DMD: variants seen among roughly 807,000 people sequenced by gnomAD.
DMD encodes the protein mutant dystrophin.
Under a neutral mutation model 330.1 loss-of-function variants are expected in DMD, and 63 were observed. The ratio of observed to expected loss-of-function variants is 0.19; its 90% CI spans 0.16 to 0.24. The LOEUF is 0.24. Among genes scored for constraint, DMD ranks in the 10% least tolerant of loss-of-function variants. DMD has a pLI of 1.00. For synonymous variants in DMD, 1,223 were observed against 959.8 expected (o/e 1.27, Z -5.07); for missense variants, 3,344 against 2,684.1 (o/e 1.25, Z -5.43).
intron 44 of DMD, among the ~76,000 whole-genome samples, chrX:31,975,378 G>T (rs1376498534): frequency 2.7e-5 from 3 of 111,878 alleles, no homozygotes; most frequent in Non-Finnish European, 5.7e-5. Context: ...CTCTCTCTAC[G>T]TTCAAGGATT....
chrX:32,675,411 C>T (rs1329981527), intron 9 of DMD, among the ~76,000 whole-genome samples: 4 of 111,625 alleles, frequency 3.6e-5, no homozygotes, highest in Non-Finnish European at 7.6e-5. Context: ...AATTATTCTT[C>T]CTCATTACCA....
chrX:31,380,371 T>C (rs760743020), intron 60 of DMD, among the ~76,000 whole-genome samples: 183 of 109,551 alleles, frequency 1.7e-3, no homozygotes, highest in African/African-American at 5.8e-3. Flanking sequence ...CATCTCCCCT[T>C]GTATCTCCCC....
intron 43 of DMD, among the ~76,000 whole-genome samples, chrX:32,261,379 A>G (rs186318394): frequency 1.2e-3 from 131 of 111,945 alleles, no homozygotes; most frequent in African/African-American, 3.8e-3. Context: ...AAGGGAGGGC[A>G]TGAAAACATA....
chrX:33,226,877 G>A (rs770654006), intron 1 of DMD, among the ~76,000 whole-genome samples: 2 of 109,312 alleles, frequency 1.8e-5, no homozygotes, highest in South Asian at 7.9e-4. Flanking sequence ...TGACATTCGT[G>A]CATACAAATA....
At chrX:31,593,158 G>A (rs757978046) in intron 55 of DMD, among the ~76,000 whole-genome samples, 2 of 111,213 alleles carry the variant, frequency 1.8e-5, no homozygotes, top group South Asian at 3.7e-4. Flanking sequence ...TTTGTAAACC[G>A]CATATAGAAA....
chrX:32,246,343 T>C (rs2097237428), intron 43 of DMD, among the ~76,000 whole-genome samples: 1 of 101,709 alleles, frequency 9.8e-6, no homozygotes, highest in East Asian at 3.1e-4. Context: ...AGCTTTTTGA[T>C]GTGCTGCTGG....
intron 30 of DMD, among the ~76,000 whole-genome samples, chrX:32,392,362 G>A (rs1005004319): frequency 1.8e-5 from 2 of 111,654 alleles, no homozygotes; most frequent in African/African-American, 3.3e-5. Flanking sequence ...AGGTTCAAGC[G>A]ATTCTCCTGC....
chrX:31,947,553 CA>C (rs1284274318), intron 45 of DMD, among the ~76,000 whole-genome samples: 1 of 112,216 alleles, frequency 8.9e-6, no homozygotes, highest in Admixed American at 9.4e-5. Context: ...CACCATGGTG[CA>C]AAAGCGATAC....
intron 48 of DMD, among the ~76,000 whole-genome samples, chrX:31,841,358 G>A (rs1293722029): frequency 8.9e-6 from 1 of 111,831 alleles, no homozygotes; most frequent in East Asian, 2.8e-4. Flanking sequence ...AGCCCTCTCC[G>A]TAACATAAAA....
At position 31,820,104 on chromosome X, in the gene DMD, C is replaced by T. The variant is rs762143124; in HGVS notation, c.7201-21G>A. 5 of 1,122,345 alleles carry T rather than the reference C, an allele frequency of 4.5e-6. No homozygotes were observed. The East Asian group carries it at 9.0e-5, about 20-fold the overall frequency. 92.5% of individuals were successfully genotyped at this position (1,122,345 alleles called of 1,213,427 possible). ...TTCCTCTTTAACAGAAAAGCATACA[C>T]ATTACTTATTCGATTAACACTTTGA... On this transcript the variant is annotated intron_variant, in intron 49 of 78. Coordinates refer to ENST00000357033, the MANE Select transcript of DMD (RefSeq NM_004006.3).
intron 1 of DMD, among the ~76,000 whole-genome samples, chrX:33,124,380 G>A (rs1245114725): frequency 6.9e-5 from 7 of 101,216 alleles, no homozygotes; most frequent in Admixed American, 1.1e-4. Flanking sequence ...GGAGGCTGAC[G>A]CAGGAGAATC....
intron 51 of DMD, among the ~76,000 whole-genome samples, chrX:31,733,981 T>C (rs373959279): frequency 9.0e-6 from 1 of 111,581 alleles, no homozygotes; most frequent in East Asian, 2.8e-4. Context: ...TTCATAAATA[T>C]CTTCCAACTG....
At chrX:31,617,885 G>A (rs1362771027) in intron 55 of DMD, among the ~76,000 whole-genome samples, 1 of 111,854 alleles carries the variant, frequency 8.9e-6, no homozygotes, top group African/African-American at 3.2e-5. Context: ...AGGGAATACT[G>A]TGCAGCCAGA....
At chrX:31,328,927 T>C (rs776670160) in intron 61 of DMD, among the ~76,000 whole-genome samples, 1 of 112,271 alleles carries the variant, frequency 8.9e-6, no homozygotes, top group South Asian at 3.7e-4. Flanking sequence ...TAGTATAAAG[T>C]ATGGCAGAGA....
intron 52 of DMD, among the ~76,000 whole-genome samples, chrX:31,699,715 T>G (rs898562664): frequency 9.0e-6 from 1 of 111,143 alleles, no homozygotes; most frequent in African/African-American, 3.3e-5. Context: ...AACTTAGGGG[T>G]AAAGGGAACC....
intron 43 of DMD, among the ~76,000 whole-genome samples, chrX:32,225,588 G>A (rs1487721273): frequency 9.0e-6 from 1 of 111,349 alleles, no homozygotes; most frequent in East Asian, 2.8e-4. Flanking sequence ...AATGTTGGAG[G>A]TGGGGCCTGG....
intron 37 of DMD, among the ~76,000 whole-genome samples, chrX:32,354,455 A>C (rs2097792072): frequency 9.0e-6 from 1 of 111,548 alleles, no homozygotes; most frequent in Non-Finnish European, 1.9e-5. Context: ...GTTATTTCAC[A>C]TCATTCTATC....
chrX:33,308,645 A>G (rs1459694219), intron 1 of DMD, among the ~76,000 whole-genome samples: 1 of 111,597 alleles, frequency 9.0e-6, no homozygotes, highest in South Asian at 3.7e-4. Context: ...CAAAGGTCCA[A>G]TTTGGAATTC....
At chrX:32,305,443 C>T (rs149116682) in intron 42 of DMD, among the ~76,000 whole-genome samples, 2,445 of 111,161 alleles carry the variant, frequency 0.022, 27 homozygotes, top group Non-Finnish European at 0.034. Context: ...AGCCCCAAGT[C>T]GGCCGAGAAT....
Sources: gnomAD v4.1 joint callset for allele counts (sites outside exome capture counted in the v4.1 genomes callset) on GRCh38, gnomAD v4.1.1 for gene constraint, MANE v1.5 for transcripts, NCBI Gene and HGNC (gene_info 2026-07-23, HGNC 2026-07-21) for gene names.